The following GALNT18 variants were observed in gnomAD, a reference collection of about 807,000 sequenced individuals.
The protein encoded by GALNT18 is polypeptide N-acetylgalactosaminyltransferase 18.
In GALNT18, 44 loss-of-function variants were observed where a neutral mutation model predicts 69.5. The observed-to-expected ratio is 0.63, with a 90% confidence interval of 0.50 to 0.81. GALNT18 has a LOEUF of 0.81. Among genes scored for constraint, GALNT18 ranks in the 40% least tolerant of loss-of-function variants. The probability of loss-of-function intolerance (pLI) is 0.00; values close to 1 mark genes in which losing one functional copy is unlikely to be tolerated. For synonymous variants in GALNT18, 364 were observed against 318.2 expected (o/e 1.14, Z -1.53); for missense variants, 715 against 810.0 (o/e 0.88, Z 1.42).
intron 9 of GALNT18, among the ~76,000 whole-genome samples, chr11:11,325,527 A>T (rs535675274): frequency 6.6e-6 from 1 of 152,332 alleles, no homozygotes; most frequent in East Asian, 1.9e-4. Context: ...AAATAAAAAT[A>T]AAAATTAAAA....
chr11:11,600,425 T>C lies in GALNT18; in HGVS notation c.235+20934A>G, dbSNP rs1326909932. 1.3e-5 allele frequency among the ~76,000 whole-genome samples: 2 copies of C among 151,966 alleles called. No individual in the cohort carries two copies. Among genetic ancestry groups the C allele is most frequent in the African/African-American group, 4.8e-5 (2 of 41,290 alleles). The stretch of plus-strand genomic sequence containing the variant: ...GAATAGTTTTGCTGTGTAATGATTC[T>C]TGGTTAACTTTTTTTTCTTTCAGCA... On this transcript the variant is annotated intron_variant, in intron 1 of 10. Coordinates refer to ENST00000227756, the MANE Select transcript of GALNT18 (RefSeq NM_198516.3). This position sits in a 1 kb window ranked among gnomAD's most constrained non-coding sequence, Gnocchi z 4.8.
At chr11:11,391,626 G>A (rs917579124) in intron 3 of GALNT18, among the ~76,000 whole-genome samples, 2 of 152,202 alleles carry the variant, frequency 1.3e-5, no homozygotes, top group African/African-American at 4.8e-5. Context: ...AATCTCCTGA[G>A]GCAGGAATCT....
chr11:11,346,318 G>C (rs1335962670), intron 6 of GALNT18, among the ~76,000 whole-genome samples: 1 of 152,172 alleles, frequency 6.6e-6, no homozygotes, highest in Non-Finnish European at 1.5e-5. Context: ...TTATTTGAAT[G>C]AGTGAATCTA....
intron 9 of GALNT18, among the ~76,000 whole-genome samples, chr11:11,306,934 T>C (rs570810161): frequency 6.6e-6 from 1 of 152,346 alleles, no homozygotes; most frequent in Non-Finnish European, 1.5e-5. Flanking sequence ...CGTGCATTGG[T>C]GCTGGCCTTC....
intron 3 of GALNT18, among the ~76,000 whole-genome samples, chr11:11,409,378 C>G (rs928760370): frequency 2.0e-5 from 3 of 152,176 alleles, no homozygotes; most frequent in Admixed American, 6.5e-5. Flanking sequence ...AGAATCAAAG[C>G]CGCCTCTGCT....
At chr11:11,578,038 G>A (rs1195467239) in intron 1 of GALNT18, among the ~76,000 whole-genome samples, 1 of 152,156 alleles carries the variant, frequency 6.6e-6, no homozygotes, top group Non-Finnish European at 1.5e-5. Flanking sequence ...GTCTCATCCA[G>A]AACTGCGAGA....
At position 11,271,303 on chromosome 11, in the gene GALNT18, G is replaced by A. The variant is rs759412258; in HGVS notation, c.1678-13C>T. 1.9e-6 allele frequency: 3 copies of A among 1,611,858 alleles called. No individual in the cohort carries two copies. The highest frequency in any genetic ancestry group is 2.5e-6 in the Non-Finnish European group (3 of 1,178,178). ...GGATGGGTCCTCCCTAGGGGCCAGG[G>A]CAGACAGTGGGGTCAGAGGGCATAG... is the stretch of plus-strand genomic sequence containing the variant. On this transcript the variant is annotated splice_polypyrimidine_tract_variant and intron_variant, in intron 10 of 10. Transcript: ENST00000227756.
chr11:11,281,827 G>C (rs1406009898), intron 10 of GALNT18, among the ~76,000 whole-genome samples: 1 of 152,072 alleles, frequency 6.6e-6, no homozygotes, highest in Non-Finnish European at 1.5e-5. Context: ...GGGGGAGGCG[G>C]GTGGATGGGA....
At chr11:11,577,566 C>T (rs1335362519) in intron 1 of GALNT18, among the ~76,000 whole-genome samples, 1 of 152,300 alleles carries the variant, frequency 6.6e-6, no homozygotes, top group African/African-American at 2.4e-5. Context: ...TCCATTCTCT[C>T]ACCCCTAAAC....
intron 9 of GALNT18, among the ~76,000 whole-genome samples, chr11:11,302,651 G>C (rs529974259): frequency 6.6e-6 from 1 of 152,222 alleles, no homozygotes; most frequent in African/African-American, 2.4e-5. Context: ...GGTAGGCCAG[G>C]CCTCAGCGGT....
At chr11:11,357,807 C>T (rs556590842) in intron 6 of GALNT18, among the ~76,000 whole-genome samples, 3 of 152,262 alleles carry the variant, frequency 2.0e-5, no homozygotes, top group South Asian at 2.1e-4. Context: ...TGAGGGCAAA[C>T]CTAAGTTATC....
chr11:11,615,858 G>T (rs1860030432), intron 1 of GALNT18, among the ~76,000 whole-genome samples: 1 of 152,164 alleles, frequency 6.6e-6, no homozygotes, highest in African/African-American at 2.4e-5. Flanking sequence ...TGGGTACACA[G>T]TTTGAAAACC....
At chr11:11,429,850 C>T (rs1299502897) in intron 3 of GALNT18, among the ~76,000 whole-genome samples, 1 of 152,158 alleles carries the variant, frequency 6.6e-6, no homozygotes, top group Non-Finnish European at 1.5e-5. Context: ...ATTAGGAATG[C>T]TTTTTAAGAC....
rs1859553176 is a variant in GALNT18, at chr11:11,598,384, G to C, written c.235+22975C>G. On this transcript the variant is annotated intron_variant, in intron 1 of 10. Transcript: ENST00000227756. This position sits in a 1 kb window ranked among gnomAD's most constrained non-coding sequence, Gnocchi z 4.8. Reference sequence around the variant, plus strand: ...GGGCTATACTTCTTTGCAGGCTCTAGAGGAGAATCTGTTCCTTGCTTCTTC... The same window carrying C: ...GGGCTATACTTCTTTGCAGGCTCTACAGGAGAATCTGTTCCTTGCTTCTTC... Among the ~76,000 whole-genome samples the C allele has an allele frequency of 6.6e-6, 1 of 152,162 alleles. No homozygotes were observed.
intron 1 of GALNT18, among the ~76,000 whole-genome samples, chr11:11,567,693 G>A (rs905384680): frequency 2.0e-5 from 3 of 152,186 alleles, no homozygotes; most frequent in Non-Finnish European, 4.4e-5. Flanking sequence ...GGAGAAAAAT[G>A]CAAACAGAAG....
At chr11:11,549,046 GGACAGTAGGGTATAA>G (rs1331356095) in intron 1 of GALNT18, among the ~76,000 whole-genome samples, 1 of 152,196 alleles carries the variant, frequency 6.6e-6, no homozygotes, top group Non-Finnish European at 1.5e-5. Context: ...ACTACAGTAT[GGACAGTAGGGTATAA>G]GAGAAAGTGG....
chr11:11,399,528 G>A (rs766791731), intron 3 of GALNT18, among the ~76,000 whole-genome samples: 1 of 152,114 alleles, frequency 6.6e-6, no homozygotes, highest in Non-Finnish European at 1.5e-5. Context: ...TAGGGCTGCA[G>A]GTCAGGAACA....
At chr11:11,290,660 CA>C (rs1849280872) in intron 10 of GALNT18, among the ~76,000 whole-genome samples, 2 of 152,208 alleles carry the variant, frequency 1.3e-5, no homozygotes, top group African/African-American at 4.8e-5. Flanking sequence ...AGGTTCTTAA[CA>C]TTCATTCCCA....
intron 1 of GALNT18, among the ~76,000 whole-genome samples, chr11:11,485,714 G>A (rs1856630098): frequency 6.6e-6 from 1 of 152,180 alleles, no homozygotes. Context: ...AAAGAGGGGA[G>A]GAGTTGACCT....
Sources: gnomAD v4.1 joint callset for allele counts (sites outside exome capture counted in the v4.1 genomes callset) on GRCh38, gnomAD v4.1.1 for gene constraint, Gnocchi (gnomAD v3.1) non-coding constraint, MANE v1.5 for transcripts, NCBI Gene and HGNC (gene_info 2026-07-23, HGNC 2026-07-21) for gene names.